Variants in ADGRA3 observed in about 807,000 individuals in gnomAD.
ADGRA3 encodes G-protein coupled receptor 125.
ADGRA3 carries 56 observed loss-of-function variants against 119.8 expected under a neutral mutation model. The ratio of observed to expected loss-of-function variants is 0.47; its 90% confidence interval spans 0.38 to 0.58. The LOEUF is 0.58. Ranked by LOEUF, ADGRA3 falls within the 20% of genes least tolerant of loss-of-function variation. The probability of loss-of-function intolerance (pLI) is 0.00; values close to 1 mark genes in which losing one functional copy is unlikely to be tolerated. For synonymous variants in ADGRA3, 607 were observed against 623.8 expected, an observed-to-expected ratio of 0.97 and a Z score of 0.40; for missense variants, 1,516 against 1,649.0, an observed-to-expected ratio of 0.92 and a Z score of 1.40.
At chr4:22,394,544 A>G (rs977278019) in intron 16 of ADGRA3, 4 of 152,266 alleles carry the variant, frequency 2.6e-5, no homozygotes, top group Non-Finnish European at 5.9e-5. Context: ...AAAATAGTAT[A>G]AATGAATTTG....
intron 7 of ADGRA3, among the ~76,000 whole-genome samples, chr4:22,441,333 T>G (rs894954074): frequency 6.6e-6 from 1 of 152,212 alleles, no homozygotes; most frequent in Non-Finnish European, 1.5e-5. Context: ...TAGGAGTTAG[T>G]TCAGCCAAGC....
chr4:22,448,410 G>C (rs766601389), intron 4 of ADGRA3, among the ~76,000 whole-genome samples: 5 of 152,198 alleles, frequency 3.3e-5, no homozygotes, highest in Admixed American at 3.3e-4. Flanking sequence ...TTCTATGCCT[G>C]TTATGGTATC....
intron 14 of ADGRA3, among the ~76,000 whole-genome samples, chr4:22,407,188 G>A (rs753815280): frequency 1.1e-4 from 16 of 152,130 alleles, no homozygotes; most frequent in East Asian, 1.9e-4. Flanking sequence ...GAAGAATGGC[G>A]TGAACCTGGA....
At chr4:22,397,214 G>T (rs1340750339) in intron 16 of ADGRA3, among the ~76,000 whole-genome samples, 2 of 125,978 alleles carry the variant, frequency 1.6e-5, no homozygotes, top group African/African-American at 6.3e-5. Flanking sequence ...ATGGAGTCTC[G>T]CTCTGTCATC....
intron 2 of ADGRA3, among the ~76,000 whole-genome samples, chr4:22,467,470 T>C (rs1016719918): frequency 6.6e-6 from 1 of 152,220 alleles, no homozygotes; most frequent in African/African-American, 2.4e-5. Context: ...ATATATAATG[T>C]CAGTTCCATT....
intron 3 of ADGRA3, among the ~76,000 whole-genome samples, chr4:22,459,666 C>T (rs187028750): frequency 8.0e-5 from 12 of 150,918 alleles, no homozygotes; most frequent in African/African-American, 1.2e-4. Flanking sequence ...ACACTGGAGG[C>T]GGAAAAAAAA....
chr4:22,407,487 A>G (rs2109015525), intron 14 of ADGRA3, among the ~76,000 whole-genome samples: 1 of 152,272 alleles, frequency 6.6e-6, no homozygotes, highest in Non-Finnish European at 1.5e-5. Flanking sequence ...TTGAGTAGAA[A>G]AAGTAAAACT....
At chr4:22,398,111 A>G in intron 16 of ADGRA3, 10 of 985,380 alleles carry the variant, frequency 1.0e-5, no homozygotes, top group Non-Finnish European at 1.2e-5. Flanking sequence ...TCTTGTAGGC[A>G]GTTTGTTTAC....
intron 16 of ADGRA3, among the ~76,000 whole-genome samples, chr4:22,395,238 C>A (rs1282926111): frequency 1.3e-5 from 2 of 152,110 alleles, no homozygotes; most frequent in Admixed American, 1.3e-4. Flanking sequence ...CTAAAAAGTT[C>A]CACTCTATGT....
At chr4:22,470,318 A>T (rs76980877) in intron 2 of ADGRA3, among the ~76,000 whole-genome samples, 1 of 88,666 alleles carries the variant, frequency 1.1e-5, no homozygotes, top group Non-Finnish European at 2.6e-5. Flanking sequence ...AAGCTCCTAA[A>T]TTAAAAAAAA....
intron 1 of ADGRA3, among the ~76,000 whole-genome samples, chr4:22,497,601 C>T (rs888800370): frequency 1.3e-5 from 2 of 151,968 alleles, no homozygotes; most frequent in Non-Finnish European, 2.9e-5. Context: ...GCGGGAAGAT[C>T]ACCTGAGGTC....
At chr4:22,439,013 A>C (rs1716508249) in intron 7 of ADGRA3, among the ~76,000 whole-genome samples, 1 of 152,182 alleles carries the variant, frequency 6.6e-6, no homozygotes. Flanking sequence ...ACACACAAAA[A>C]AAGAACAGGA....
chr4:22,462,400 A>C (rs556758379), intron 2 of ADGRA3, among the ~76,000 whole-genome samples: 61 of 151,816 alleles, frequency 4.0e-4, no homozygotes, highest in African/African-American at 1.4e-3. Context: ...TGCAACCTCC[A>C]CCTCCCAGGC....
intron 8 of ADGRA3, among the ~76,000 whole-genome samples, chr4:22,437,401 T>C (rs1462339451): frequency 6.6e-6 from 1 of 152,154 alleles, no homozygotes; most frequent in Non-Finnish European, 1.5e-5. Flanking sequence ...AACACTGAGG[T>C]TAGAGACAGG....
intron 1 of ADGRA3, among the ~76,000 whole-genome samples, chr4:22,505,936 T>C (rs1254306266): frequency 6.6e-6 from 1 of 152,190 alleles, no homozygotes; most frequent in African/African-American, 2.4e-5. Flanking sequence ...GAATATTTGC[T>C]AAATGAATGC....
At chr4:22,419,124 C>T (rs901108928) in intron 12 of ADGRA3, among the ~76,000 whole-genome samples, 1 of 151,930 alleles carries the variant, frequency 6.6e-6, no homozygotes, top group African/African-American at 2.4e-5. Flanking sequence ...CAAGGAGGCA[C>T]CTACTGCTAA....
chr4:22,397,179 T>A (rs1714393127), intron 16 of ADGRA3, among the ~76,000 whole-genome samples: 1 of 14,812 alleles, frequency 6.8e-5, no homozygotes, highest in African/African-American at 1.3e-4. Flanking sequence ...GTAATTCTTT[T>A]TTTTTTTTTT....
intron 1 of ADGRA3, among the ~76,000 whole-genome samples, chr4:22,485,864 C>T (rs534304411): frequency 1.3e-5 from 2 of 152,290 alleles, no homozygotes; most frequent in African/African-American, 4.8e-5. Flanking sequence ...GCAAACTGGA[C>T]CACTATCCCC....
chr4:22,442,300 G>A (rs1716645537), intron 7 of ADGRA3, among the ~76,000 whole-genome samples: 1 of 152,138 alleles, frequency 6.6e-6, no homozygotes, highest in Admixed American at 6.6e-5. Context: ...TTTGACTAGA[G>A]TCAATATCAG....
Sources: gnomAD v4.1 joint callset for allele counts (sites outside exome capture counted in the v4.1 genomes callset) on GRCh38, gnomAD v4.1.1 for gene constraint, MANE v1.5 for transcripts, NCBI Gene and HGNC (gene_info 2026-07-23, HGNC 2026-07-21) for gene names.